Variants in TRIP12 observed in about 807,000 individuals in gnomAD.
The protein encoded by TRIP12 is thyroid hormone receptor interactor 12.
A neutral mutation model predicts 244.2 loss-of-function variants in TRIP12; 25 were observed. The observed-to-expected ratio is 0.10, with a 90% CI of 0.07 to 0.14. TRIP12 has a LOEUF of 0.14. Among genes scored for constraint, TRIP12 ranks in the 10% least tolerant of loss-of-function variants. The pLI is 1.00. For synonymous variants in TRIP12, 905 were observed against 873.1 expected (o/e 1.04, Z -0.64); for missense variants, 1,677 against 2,486.4 (o/e 0.67, Z 6.92).
At chr2:229,808,935 C>A (rs891957394) in intron 15 of TRIP12, among the ~76,000 whole-genome samples, 1 of 152,138 alleles carries the variant, frequency 6.6e-6, no homozygotes, top group African/African-American at 2.4e-5. Flanking sequence ...GAGGACTCTG[C>A]GTGATAACCA....
chr2:229,863,790 C>T (rs2060872824), intron 2 of TRIP12, among the ~76,000 whole-genome samples: 6 of 152,160 alleles, frequency 3.9e-5, no homozygotes, highest in Admixed American at 3.9e-4. Context: ...TTGGACGCCT[C>T]CTTTTAGCTC....
At chr2:229,854,208 A>G (rs898592756) in intron 4 of TRIP12, among the ~76,000 whole-genome samples, 1 of 152,110 alleles carries the variant, frequency 6.6e-6, no homozygotes, top group South Asian at 2.1e-4. Flanking sequence ...TCAGTCTCCA[A>G]TGTTTATTAC....
chr2:229,801,656 G>A (rs1248441137), intron 21 of TRIP12, among the ~76,000 whole-genome samples: 1 of 152,278 alleles, frequency 6.6e-6, no homozygotes, highest in East Asian at 1.9e-4. Context: ...GAAACCAATG[G>A]AAGTTTTGGA....
At chr2:229,796,313 G>C (rs770874750) in intron 25 of TRIP12, among the ~76,000 whole-genome samples, 9 of 152,176 alleles carry the variant, frequency 5.9e-5, no homozygotes, top group Non-Finnish European at 8.8e-5. Context: ...TACATTCACA[G>C]GTGAGAGACT....
chr2:229,898,507 T>TTAGAAC (rs1485041676), intron 1 of TRIP12, among the ~76,000 whole-genome samples: 1 of 152,180 alleles, frequency 6.6e-6, no homozygotes, highest in Non-Finnish European at 1.5e-5. Flanking sequence ...AGGATTAGAA[T>TTAGAAC]TAGAACTCCA....
Position 229,803,549 on chromosome 2 carries a change from CTATT to C in TRIP12, c.2998+18_2998+21del, listed in dbSNP as rs944188402. ...TTGAAGTACTATCTAGACTAAATGA[CTATT>C]AATTTATATGACATTACCTTCTCTT... On this transcript the variant is annotated intron_variant, in intron 20 of 41. Transcript: ENST00000675903. 6.9e-7 allele frequency: 1 copy of C among 1,455,744 alleles called. No individual in the cohort carries two copies. Among genetic ancestry groups the C allele is most frequent in the African/African-American group, 1.4e-5 (1 of 70,818 alleles). 90.2% of individuals were successfully genotyped at this position (1,455,744 alleles called of 1,614,324 possible). A position where few individuals can be genotyped will look rare whatever the true frequency, so the allele number is the denominator to read the frequency against.
Position 229,815,139 on chromosome 2 carries a change from G to T in TRIP12, c.1691C>A (p.Ser564Tyr). The change falls in exon 11 of 42, where the codon TCT (serine) becomes TAT (tyrosine). Residue 564 changes from serine to tyrosine, a missense_variant. Around this residue, in one of 11 missense-constraint regions of TRIP12, gnomAD observed 572 missense variants for 867.8 expected, o/e 0.66. Coordinates refer to ENST00000675903, the MANE Select transcript of TRIP12 (RefSeq NM_001348323.3). ...TYMMEALPRS[S>Y]AVVVDAIPVF... The stretch of plus-strand genomic sequence containing the variant: ...AGGAATAGCATCTACTACAACAGCA[G>T]AAGATCGAGGAAGTGCTTCCATCAT... 1 of 1,613,074 alleles carries T rather than the reference G, an allele frequency of 6.2e-7. No individual in the cohort carries two copies. Among genetic ancestry groups the T allele is most frequent in the Non-Finnish European group, 8.5e-7 (1 of 1,179,604 alleles).
intron 2 of TRIP12, among the ~76,000 whole-genome samples, chr2:229,866,108 T>C (rs116370494): frequency 3.8e-3 from 586 of 152,306 alleles, no homozygotes; most frequent in Non-Finnish European, 7.0e-3. Context: ...TCAAACAGTC[T>C]TGGTAATATA....
intron 1 of TRIP12, among the ~76,000 whole-genome samples, chr2:229,914,545 A>G (rs2075008533): frequency 6.6e-6 from 1 of 152,252 alleles, no homozygotes; most frequent in Non-Finnish European, 1.5e-5. Context: ...GAGAATTTCA[A>G]GAGATGGGCT....
chr2:229,896,481 T>C (rs943096023), intron 1 of TRIP12, among the ~76,000 whole-genome samples: 4 of 151,904 alleles, frequency 2.6e-5, no homozygotes, highest in Non-Finnish European at 5.9e-5. Flanking sequence ...CTACTAAAAA[T>C]ACAAAAATTA....
intron 1 of TRIP12, among the ~76,000 whole-genome samples, chr2:229,914,271 C>CA (rs936052182): frequency 3.9e-4 from 60 of 152,104 alleles, no homozygotes; most frequent in African/African-American, 1.4e-3. Flanking sequence ...TTCAAGTAGA[C>CA]AAAAAACCAA....
intron 4 of TRIP12, among the ~76,000 whole-genome samples, chr2:229,852,340 C>A (rs913851968): frequency 6.6e-6 from 1 of 152,100 alleles, no homozygotes; most frequent in African/African-American, 2.4e-5. Flanking sequence ...CCATCATCAT[C>A]TACTCACTTT....
chr2:229,878,803 C>T (rs552941738), intron 2 of TRIP12, among the ~76,000 whole-genome samples: 5 of 151,878 alleles, frequency 3.3e-5, no homozygotes, highest in South Asian at 2.1e-4. Context: ...AGGATGGTCT[C>T]GATCTCCTGA....
At chr2:229,922,557 A>G, upstream of TRIP12, 1 of 1,614,018 alleles carries the variant, frequency 6.2e-7, no homozygotes, top group Non-Finnish European at 8.5e-7. Context: ...ACTGTAGGAC[A>G]AGGCCCGCCG....
chr2:229,888,508 TAAATC>T lies in TRIP12; in HGVS notation c.-49-8385_-49-8381del, dbSNP rs1468740298. 6.0e-5 allele frequency among the ~76,000 whole-genome samples: 9 copies of T among 150,940 alleles called. No individual in the cohort carries two copies. In the East Asian group the frequency reaches 1.7e-3, roughly 29 times the overall value. The stretch of plus-strand genomic sequence containing the variant: ...GAACTTACCACAAGCACTGGGAAAA[TAAATC>T]AGGATAGTGGTGTTGGCAGACACCA... On this transcript the variant is annotated intron_variant, in intron 1 of 41. Coordinates refer to ENST00000675903, the MANE Select transcript of TRIP12 (RefSeq NM_001348323.3).
intron 2 of TRIP12, among the ~76,000 whole-genome samples, chr2:229,864,069 T>C (rs2061048012): frequency 6.7e-6 from 1 of 149,768 alleles, no homozygotes; most frequent in African/African-American, 2.5e-5. Flanking sequence ...TGTGTGTGTG[T>C]GTGTGTGTGC....
chr2:229,911,504 A>G (rs760537822), intron 1 of TRIP12, among the ~76,000 whole-genome samples: 4 of 152,224 alleles, frequency 2.6e-5, no homozygotes, highest in Non-Finnish European at 5.9e-5. Flanking sequence ...CTAGATAGGA[A>G]GAGTATGTTC....
chr2:229,765,499 CTT>C lies in TRIP12; in HGVS notation c.*2053_*2054del, dbSNP rs1013061739. On this transcript the variant is annotated 3_prime_UTR_variant, in exon 42 of 42. Coordinates refer to ENST00000675903, the MANE Select transcript of TRIP12 (RefSeq NM_001348323.3). ...ACGACTGACTTTGAAACACTCAAGA[CTT>C]TAGAGTTTGAGTCAAAATCATCATA... 5 of 152,134 alleles carry C rather than the reference CTT, an allele frequency of 3.3e-5. No homozygotes were observed. Among genetic ancestry groups the C allele is most frequent in the African/African-American group, 4.8e-5 (2 of 41,416 alleles). The allele number at this position is 152,134 out of a possible 1,614,324, so 9.4% of individuals were successfully genotyped here. A position where few individuals can be genotyped will look rare whatever the true frequency, so the allele number is the denominator to read the frequency against.
intron 39 of TRIP12, among the ~76,000 whole-genome samples, chr2:229,770,728 G>T (rs962464580): frequency 6.6e-6 from 1 of 152,106 alleles, no homozygotes; most frequent in Non-Finnish European, 1.5e-5. Context: ...GGAATGACCT[G>T]GTGGGAGGTA....
Sources: gnomAD v4.1 joint callset for allele counts (sites outside exome capture counted in the v4.1 genomes callset) on GRCh38, gnomAD v4.1.1 for gene constraint, gnomAD v4.1.1 regional missense constraint, MANE v1.5 for transcripts, NCBI Gene and HGNC (gene_info 2026-07-23, HGNC 2026-07-21) for gene names.